The following CNTN5 variants were observed in gnomAD, a reference collection of about 807,000 sequenced individuals.
CNTN5 encodes the protein contactin 5.
In CNTN5, 77 loss-of-function variants were observed where a neutral mutation model predicts 129.1. The observed-to-expected ratio is 0.60, with a 90% CI of 0.50 to 0.72. The LOEUF is 0.72. Among genes scored for constraint, CNTN5 ranks in the 30% least tolerant of loss-of-function variants. CNTN5 has a pLI of 0.00. For missense variants in CNTN5, 1,478 were observed against 1,328.8 expected (o/e 1.11, Z -1.75); for synonymous variants, 509 against 465.6 (o/e 1.09, Z -1.20).
intron 18 of CNTN5, among the ~76,000 whole-genome samples, chr11:100,284,192 C>T (rs566814951): frequency 1.3e-5 from 2 of 152,284 alleles, no homozygotes; most frequent in East Asian, 1.9e-4. Context: ...TTCAGTGCAT[C>T]TTTCAGCAAT....
intron 7 of CNTN5, among the ~76,000 whole-genome samples, chr11:99,943,537 A>T (rs1950489582): frequency 6.6e-6 from 1 of 152,094 alleles, no homozygotes; most frequent in African/African-American, 2.4e-5. Context: ...CTTTAGTTTA[A>T]TTAGATCCCA....
At chr11:99,070,725 T>C (rs895089672) in intron 1 of CNTN5, among the ~76,000 whole-genome samples, 1 of 56,838 alleles carries the variant, frequency 1.8e-5, no homozygotes, top group Admixed American at 2.1e-4. Flanking sequence ...TTAAAATAAC[T>C]TTTTTTTTTT....
chr11:100,326,161 G>T (rs375990931), intron 21 of CNTN5, among the ~76,000 whole-genome samples: 1 of 152,090 alleles, frequency 6.6e-6, no homozygotes. Flanking sequence ...ACAAACTTGA[G>T]AAATAATTGT....
chr11:99,689,566 C>G (rs1363532314), intron 3 of CNTN5, among the ~76,000 whole-genome samples: 1 of 143,422 alleles, frequency 7.0e-6, no homozygotes. Flanking sequence ...ATTCCTTTCT[C>G]TCCACAACCT....
At chr11:99,133,541 A>G (rs1395823789) in intron 1 of CNTN5, among the ~76,000 whole-genome samples, 1 of 151,518 alleles carries the variant, frequency 6.6e-6, no homozygotes, top group Non-Finnish European at 1.5e-5. Flanking sequence ...TCTACAAGGA[A>G]CTTAAGCAAA....
intron 3 of CNTN5, among the ~76,000 whole-genome samples, chr11:99,716,851 G>A (rs967407899): frequency 1.3e-5 from 2 of 152,024 alleles, no homozygotes; most frequent in African/African-American, 2.4e-5. Context: ...GTTTTAAAAC[G>A]AAAGTATTTT....
At chr11:99,054,243 G>C (rs916619085) in intron 1 of CNTN5, among the ~76,000 whole-genome samples, 2 of 151,730 alleles carry the variant, frequency 1.3e-5, no homozygotes. Context: ...TGGTAATCTG[G>C]TGTTTCCTGA....
chr11:99,475,311 G>A (rs2135289793), intron 2 of CNTN5, among the ~76,000 whole-genome samples: 1 of 152,282 alleles, frequency 6.6e-6, no homozygotes, highest in African/African-American at 2.4e-5. Context: ...GCCCACATCA[G>A]ATGCCAGAAC....
At chr11:99,141,609 T>A (rs537724044) in intron 1 of CNTN5, among the ~76,000 whole-genome samples, 24 of 152,166 alleles carry the variant, frequency 1.6e-4, no homozygotes, top group Non-Finnish European at 3.4e-4. Context: ...TAATTTGAGA[T>A]CTTTATAAAT....
chr11:99,197,493 T>G (rs1858962080), intron 1 of CNTN5, among the ~76,000 whole-genome samples: 1 of 152,062 alleles, frequency 6.6e-6, no homozygotes, highest in Non-Finnish European at 1.5e-5. Context: ...TTTTTATGTA[T>G]CTACTCAATA....
At chr11:99,328,870 CAAAAAAAAAAAAAAAA>C (rs10542347) in intron 2 of CNTN5, among the ~76,000 whole-genome samples, 1 of 87,652 alleles carries the variant, frequency 1.1e-5, no homozygotes, top group African/African-American at 4.6e-5. Context: ...AACTCCATCT[CAAAAAAAAAAAAAAAA>C]AAGAAAAAAA....
chr11:99,357,508 A>G (rs949554), intron 2 of CNTN5, among the ~76,000 whole-genome samples: 114,056 of 150,448 alleles, frequency 0.76, 44,249 homozygotes, highest in African/African-American at 0.94. Context: ...CACACACTCT[A>G]AGGTTTATTT....
At chr11:99,061,860 C>CA (rs1864893248) in intron 1 of CNTN5, among the ~76,000 whole-genome samples, 1 of 151,796 alleles carries the variant, frequency 6.6e-6, no homozygotes, top group East Asian at 1.9e-4. Flanking sequence ...GGCATGGTGT[C>CA]ACACATCTGT....
chr11:99,282,342 T>A (rs1235025314), intron 1 of CNTN5, among the ~76,000 whole-genome samples: 2 of 151,926 alleles, frequency 1.3e-5, no homozygotes, highest in Non-Finnish European at 2.9e-5. Context: ...TAAGGTTCAC[T>A]CAGAAGACAA....
At chr11:99,946,608 A>G (rs1950558256) in intron 7 of CNTN5, among the ~76,000 whole-genome samples, 1 of 152,142 alleles carries the variant, frequency 6.6e-6, no homozygotes, top group Admixed American at 6.6e-5. Flanking sequence ...AAGGGGAAAA[A>G]TAACTTAGGG....
intron 3 of CNTN5, among the ~76,000 whole-genome samples, chr11:99,666,191 C>T (rs2135932332): frequency 6.6e-6 from 1 of 152,266 alleles, no homozygotes; most frequent in Non-Finnish European, 1.5e-5. Context: ...TAGCCTCGAA[C>T]TCCTGACCTC....
intron 21 of CNTN5, among the ~76,000 whole-genome samples, chr11:100,313,165 C>G (rs1037306998): frequency 6.6e-6 from 1 of 151,620 alleles, no homozygotes; most frequent in Non-Finnish European, 1.5e-5. Context: ...GTCACAATGT[C>G]CGATTTATGT....
chr11:99,955,629 G>A (rs1050005470), intron 7 of CNTN5, among the ~76,000 whole-genome samples: 1 of 151,896 alleles, frequency 6.6e-6, no homozygotes, highest in Non-Finnish European at 1.5e-5. Flanking sequence ...GCATGACCTC[G>A]GCTCACTGCA....
chr11:99,597,057 C>A (rs952033461), intron 3 of CNTN5, among the ~76,000 whole-genome samples: 1 of 152,058 alleles, frequency 6.6e-6, no homozygotes, highest in Non-Finnish European at 1.5e-5. Context: ...ACATAGTATT[C>A]ATTTTCAGAT....
Sources: allele counts gnomAD v4.1 joint callset (sites outside exome capture counted in the v4.1 genomes callset), GRCh38; gene constraint gnomAD v4.1.1; transcripts MANE v1.5; gene names NCBI Gene and HGNC (gene_info 2026-07-23, HGNC 2026-07-21).